The following PHLPP1 variants were observed in gnomAD, a reference collection of about 807,000 sequenced individuals.
PHLPP1 encodes PH domain and leucine rich repeat protein phosphatase 1.
In PHLPP1, 42 loss-of-function variants were observed where a neutral mutation model predicts 117.2. The observed-to-expected ratio is 0.36, with a 90% CI of 0.28 to 0.46. The LOEUF (loss-of-function observed/expected upper bound fraction) is 0.46. Ranked by LOEUF, PHLPP1 falls within the 20% of genes least tolerant of loss-of-function variation. PHLPP1 has a pLI of 1.00. For synonymous variants in PHLPP1, 1,042 were observed against 970.7 expected, an observed-to-expected ratio of 1.07 and a Z score of -1.37; for missense variants, 2,084 against 2,241.9, an observed-to-expected ratio of 0.93 and a Z score of 1.42.
chr18:62,916,138 T>C (rs1053616725), intron 9 of PHLPP1, among the ~76,000 whole-genome samples: 2 of 152,084 alleles, frequency 1.3e-5, no homozygotes, highest in African/African-American at 4.8e-5. Flanking sequence ...AGCTGTCCAG[T>C]ATGGTAGCCC....
In PHLPP1 at chr18:62,866,119, G is replaced by T. The variant is rs916090127; in HGVS notation, c.2066+5518G>T. Reference sequence around the variant, plus strand: ...TGTTAACTGCCAAATTCAGTTTAATGGTTACCTTTTAGGGAGACGGGGGAT... The same window carrying T: ...TGTTAACTGCCAAATTCAGTTTAATTGTTACCTTTTAGGGAGACGGGGGAT... On this transcript the variant is annotated intron_variant, in intron 4 of 16. Coordinates refer to ENST00000262719, the MANE Select transcript of PHLPP1 (RefSeq NM_194449.4). Among the ~76,000 whole-genome samples, 4 of 152,150 alleles carry T rather than the reference G, an allele frequency of 2.6e-5. 1 individual carries two copies. The highest frequency in any genetic ancestry group is 9.7e-5 in the African/African-American group (4 of 41,440).
intron 4 of PHLPP1, among the ~76,000 whole-genome samples, chr18:62,871,459 C>T (rs1915899487): frequency 6.6e-6 from 1 of 151,894 alleles, no homozygotes; most frequent in African/African-American, 2.4e-5. Context: ...TCCCAAGTAA[C>T]TGGGATTACA....
chr18:62,729,890 C>A (rs368295949), intron 1 of PHLPP1, among the ~76,000 whole-genome samples: 22 of 152,188 alleles, frequency 1.4e-4, no homozygotes, highest in East Asian at 1.2e-3. Context: ...ATTTCTATCA[C>A]CCTGTATGCT....
intron 1 of PHLPP1, among the ~76,000 whole-genome samples, chr18:62,792,868 CAAAAAAAAAA>C (rs71160870): frequency 9.8e-4 from 56 of 56,854 alleles, no homozygotes; most frequent in African/African-American, 4.2e-3. Flanking sequence ...GCCTCTGTCT[CAAAAAAAAAA>C]AAAAAAAAAA....
chr18:62,912,624 T>C (rs1289879638), intron 8 of PHLPP1, among the ~76,000 whole-genome samples: 2 of 152,108 alleles, frequency 1.3e-5, no homozygotes. Flanking sequence ...GTTCTTTTCT[T>C]TTTTTGTTTT....
At chr18:62,796,804 CA>C (rs1368648272) in intron 1 of PHLPP1, among the ~76,000 whole-genome samples, 1 of 151,748 alleles carries the variant, frequency 6.6e-6, no homozygotes, top group Non-Finnish European at 1.5e-5. Context: ...CTGTTTTGGT[CA>C]GCCATCTGCT....
At chr18:62,913,228 T>G (rs1304799277) in intron 8 of PHLPP1, among the ~76,000 whole-genome samples, 1 of 152,138 alleles carries the variant, frequency 6.6e-6, no homozygotes, top group Non-Finnish European at 1.5e-5. Context: ...TTAATTTTTG[T>G]ATGTTGGGGT....
Position 62,716,773 on chromosome 18 carries a change from GA to G in PHLPP1, c.1091del (p.Asp364AlafsTer94). ...PSAESVSDRL[D>X]PYSSGGGSSS... ...CGCCGAGAGCGTGTCTGACCGGTTG[GA>G]CCCCTACAGCAGCGGCGGCGGCTCC... On this transcript the variant is annotated frameshift_variant, in exon 1 of 17. Coordinates refer to ENST00000262719, the MANE Select transcript of PHLPP1 (RefSeq NM_194449.4). LOFTEE classifies it high-confidence loss of function. The surrounding 1 kb of genome is among the most constrained non-coding windows in gnomAD (Gnocchi z 5.7). 6.6e-7 allele frequency: 1 copy of G among 1,526,190 alleles called. No individual in the cohort carries two copies. The highest frequency in any genetic ancestry group is 8.8e-7 in the Non-Finnish European group (1 of 1,142,102). The allele number at this position is 1,526,190 out of a possible 1,614,324, so 94.5% of individuals were successfully genotyped here.
intron 3 of PHLPP1, among the ~76,000 whole-genome samples, chr18:62,845,610 T>C (rs1915162010): frequency 6.6e-6 from 1 of 152,212 alleles, no homozygotes; most frequent in African/African-American, 2.4e-5. Flanking sequence ...CGATTTGTGT[T>C]ATTAGGTGTA....
intron 1 of PHLPP1, among the ~76,000 whole-genome samples, chr18:62,756,720 C>G (rs1371017905): frequency 6.6e-6 from 1 of 152,126 alleles, no homozygotes; most frequent in Non-Finnish European, 1.5e-5. Flanking sequence ...CCCAAAGCCC[C>G]CAGTTAGGTT....
At position 62,777,370 on chromosome 18, in the gene PHLPP1, A is replaced by G. The variant is rs150480899; in HGVS notation, c.1577-52665A>G. Among the ~76,000 whole-genome samples, 599 of 151,724 alleles carry G rather than the reference A, an allele frequency of 3.9e-3. 3 individuals are homozygous for G. Among genetic ancestry groups the G allele is most frequent in the African/African-American group, 0.014 (565 of 41,358 alleles). On this transcript the variant is annotated intron_variant, in intron 1 of 16. Transcript: ENST00000262719. Reference sequence around the variant, plus strand: ...AGATGTGAGTTTAGATCTTTTGCCCATTTTTCTTATTGGGTTGTTATTGAG... The same window carrying G: ...AGATGTGAGTTTAGATCTTTTGCCCGTTTTTCTTATTGGGTTGTTATTGAG...
chr18:62,746,219 A>G (rs1324736765), intron 1 of PHLPP1, among the ~76,000 whole-genome samples: 2 of 151,758 alleles, frequency 1.3e-5, no homozygotes, highest in African/African-American at 4.8e-5. Context: ...CTAATTTTGT[A>G]TTTTTAGTAG....
intron 10 of PHLPP1, among the ~76,000 whole-genome samples, chr18:62,925,335 G>A (rs954278171): frequency 6.6e-6 from 1 of 152,180 alleles, no homozygotes; most frequent in Non-Finnish European, 1.5e-5. Flanking sequence ...GGGAGTTATA[G>A]GTCCCTGCTC....
intron 1 of PHLPP1, among the ~76,000 whole-genome samples, chr18:62,746,941 T>C (rs761335330): frequency 6.6e-6 from 1 of 152,168 alleles, no homozygotes; most frequent in Non-Finnish European, 1.5e-5. Context: ...TATATTCAGG[T>C]TTTCTAATTG....
At chr18:62,734,710 A>G (rs1911322470) in intron 1 of PHLPP1, among the ~76,000 whole-genome samples, 1 of 152,242 alleles carries the variant, frequency 6.6e-6, no homozygotes, top group Non-Finnish European at 1.5e-5. Context: ...CATTCAGGTT[A>G]ATTACCTGCC....
At chr18:62,951,086 A>G (rs1036749170) in intron 12 of PHLPP1, among the ~76,000 whole-genome samples, 1 of 150,890 alleles carries the variant, frequency 6.6e-6, no homozygotes, top group African/African-American at 2.4e-5. Context: ...GGTTCACGCC[A>G]TTCTCCCACC....
intron 4 of PHLPP1, among the ~76,000 whole-genome samples, chr18:62,873,812 A>C (rs1915967569): frequency 6.6e-6 from 1 of 152,232 alleles, no homozygotes; most frequent in Non-Finnish European, 1.5e-5. Context: ...TTACAACACC[A>C]CGAAACTACT....
chr18:62,729,758 A>G (rs1327396245), intron 1 of PHLPP1, among the ~76,000 whole-genome samples: 1 of 152,196 alleles, frequency 6.6e-6, no homozygotes, highest in Non-Finnish European at 1.5e-5. Flanking sequence ...ACAATGACAA[A>G]CCAGATGTTA....
At chr18:62,764,408 A>G (rs956306584) in intron 1 of PHLPP1, among the ~76,000 whole-genome samples, 7 of 152,088 alleles carry the variant, frequency 4.6e-5, no homozygotes, top group South Asian at 2.1e-4. Context: ...CTTATGTCCT[A>G]TGGTTCTTGG....
Sources: allele counts gnomAD v4.1 joint callset (sites outside exome capture counted in the v4.1 genomes callset), GRCh38; gene constraint gnomAD v4.1.1; non-coding constraint Gnocchi (gnomAD v3.1); transcripts MANE v1.5; gene names NCBI Gene and HGNC (gene_info 2026-07-23, HGNC 2026-07-21).